The following MALRD1 variants were observed in gnomAD, a reference collection of about 807,000 sequenced individuals.
MALRD1 encodes MAM and LDL-receptor class A domain-containing protein 1.
In MALRD1, 247 loss-of-function variants were observed where a neutral mutation model predicts 242.1. The ratio of observed to expected loss-of-function variants is 1.02; its 90% CI spans 0.92 to 1.13. The LOEUF (loss-of-function observed/expected upper bound fraction) is 1.13. Among genes scored for constraint, MALRD1 ranks in the 50% most tolerant of loss-of-function variants. MALRD1 has a pLI of 0.00. For synonymous variants in MALRD1, 995 were observed against 866.6 expected (o/e 1.15, Z -2.60); for missense variants, 2,989 against 2,533.1 (o/e 1.18, Z -3.86).
chr10:19,130,331 C>G (rs1029942015), intron 8 of MALRD1, among the ~76,000 whole-genome samples: 1 of 152,084 alleles, frequency 6.6e-6, no homozygotes, highest in Non-Finnish European at 1.5e-5. Flanking sequence ...CTGTTTGAAC[C>G]AATCCCAGCA....
chr10:19,535,523 G>T (rs1834634181), intron 32 of MALRD1, among the ~76,000 whole-genome samples: 1 of 148,452 alleles, frequency 6.7e-6, no homozygotes, highest in Admixed American at 6.7e-5. Flanking sequence ...ATATACATGT[G>T]TATATGTATA....
intron 19 of MALRD1, among the ~76,000 whole-genome samples, chr10:19,273,691 T>C (rs188894633): frequency 1.3e-4 from 20 of 152,238 alleles, no homozygotes; most frequent in Admixed American, 7.9e-4. Flanking sequence ...ACTATGGAGA[T>C]AGTAAAAACA....
At chr10:19,647,073 A>C (rs760216993) in intron 36 of MALRD1, among the ~76,000 whole-genome samples, 8 of 152,182 alleles carry the variant, frequency 5.3e-5, no homozygotes, top group Non-Finnish European at 8.8e-5. Flanking sequence ...AATATGTTTC[A>C]ACAACAGAGC....
chr10:19,065,287 CAAA>C (rs1197670439), intron 1 of MALRD1, among the ~76,000 whole-genome samples: 56 of 50,616 alleles, frequency 1.1e-3, no homozygotes, highest in East Asian at 4.6e-3. Context: ...AACGCTGTCT[CAAA>C]AAAAAAAAAA....
chr10:19,368,374 T>C (rs1845198056), intron 26 of MALRD1, among the ~76,000 whole-genome samples: 1 of 152,146 alleles, frequency 6.6e-6, no homozygotes, highest in Non-Finnish European at 1.5e-5. Context: ...TTGAAGACAC[T>C]GTCCTTTCTC....
At chr10:19,396,388 G>A (rs1030280047) in intron 28 of MALRD1, among the ~76,000 whole-genome samples, 7 of 151,844 alleles carry the variant, frequency 4.6e-5, no homozygotes, top group South Asian at 4.2e-4. Flanking sequence ...CTCCTGTCTC[G>A]GCCTTCCAAA....
At chr10:19,064,090 T>A (rs1834901275) in intron 1 of MALRD1, among the ~76,000 whole-genome samples, 1 of 152,152 alleles carries the variant, frequency 6.6e-6, no homozygotes, top group African/African-American at 2.4e-5. Flanking sequence ...TAATTGCGGC[T>A]TCCAAGCAAC....
intron 32 of MALRD1, among the ~76,000 whole-genome samples, chr10:19,534,586 C>A (rs867662899): frequency 6.6e-6 from 1 of 152,058 alleles, no homozygotes; most frequent in South Asian, 2.1e-4. Context: ...AAAAAAACTT[C>A]TTTTTCTAAG....
chr10:19,118,192 G>A (rs1836938885), intron 5 of MALRD1, among the ~76,000 whole-genome samples: 1 of 152,130 alleles, frequency 6.6e-6, no homozygotes, highest in African/African-American at 2.4e-5. Flanking sequence ...GAGGAAATAA[G>A]CCATGTGAAT....
chr10:19,142,021 A>T (rs1833561278), intron 10 of MALRD1, among the ~76,000 whole-genome samples: 1 of 151,840 alleles, frequency 6.6e-6, no homozygotes, highest in Non-Finnish European at 1.5e-5. Context: ...AAATATAAAA[A>T]ATTAGCCGGG....
intron 32 of MALRD1, among the ~76,000 whole-genome samples, chr10:19,545,160 C>T (rs141786748): frequency 5.3e-5 from 8 of 152,210 alleles, no homozygotes; most frequent in South Asian, 2.1e-4. Context: ...GCATATCTAT[C>T]CCTCATGTTT....
chr10:19,402,285 T>C (rs528814772), intron 28 of MALRD1, among the ~76,000 whole-genome samples: 19 of 152,292 alleles, frequency 1.2e-4, no homozygotes, highest in Admixed American at 4.6e-4. Flanking sequence ...CCCCATGATA[T>C]GGTTTGGCTG....
At position 19,613,720 on chromosome 10, in the gene MALRD1, G is replaced by T. The variant is rs547661895; in HGVS notation, c.6071-2137G>T. 1.4e-3 allele frequency among the ~76,000 whole-genome samples: 206 copies of T among 152,170 alleles called. 1 individual carries two copies. The highest frequency in any genetic ancestry group is 2.1e-3 in the Non-Finnish European group (143 of 67,986). ...TCCTTTTTAAAATCTTGGCCCTGCT[G>T]GGCCGATGTAACCCAGAAGCTGTGT... is the stretch of plus-strand genomic sequence containing the variant. On this transcript the variant is annotated intron_variant, in intron 35 of 39. Coordinates refer to ENST00000454679, the MANE Select transcript of MALRD1 (RefSeq NM_001142308.3).
At chr10:19,512,733 G>T (rs1833460908) in intron 31 of MALRD1, among the ~76,000 whole-genome samples, 2 of 152,122 alleles carry the variant, frequency 1.3e-5, no homozygotes, top group Admixed American at 1.3e-4. Flanking sequence ...AGCGCCTAAA[G>T]ACTTGGTTGT....
intron 33 of MALRD1, among the ~76,000 whole-genome samples, chr10:19,586,461 G>C (rs560806088): frequency 2.0e-5 from 3 of 152,242 alleles, no homozygotes; most frequent in Admixed American, 1.3e-4. Flanking sequence ...ACCCTCAGCT[G>C]CAGGTCTGTT....
intron 32 of MALRD1, among the ~76,000 whole-genome samples, chr10:19,565,810 G>T (rs1836225395): frequency 6.6e-6 from 1 of 152,096 alleles, no homozygotes; most frequent in Non-Finnish European, 1.5e-5. Context: ...GTCTTGAGAA[G>T]CTTCTTTTCC....
intron 29 of MALRD1, among the ~76,000 whole-genome samples, chr10:19,465,157 A>G (rs1782700643): frequency 6.6e-6 from 1 of 152,100 alleles, no homozygotes; most frequent in Non-Finnish European, 1.5e-5. Flanking sequence ...ATCAGCAAAC[A>G]GTGACAGTTT....
chr10:19,711,305 C>A (rs939948741), intron 38 of MALRD1: 2 of 152,072 alleles, frequency 1.3e-5, no homozygotes, highest in Admixed American at 6.6e-5. Flanking sequence ...AAAAAAGAAA[C>A]ACATAAGTCA....
At chr10:19,088,594 T>C (rs1359700216) in intron 4 of MALRD1, among the ~76,000 whole-genome samples, 1 of 128,060 alleles carries the variant, frequency 7.8e-6, no homozygotes, top group Non-Finnish European at 1.6e-5. Flanking sequence ...TATTTATTTT[T>C]TTTTATTATA....
Sources: allele counts gnomAD v4.1 joint callset (sites outside exome capture counted in the v4.1 genomes callset), GRCh38; gene constraint gnomAD v4.1.1; transcripts MANE v1.5; gene names NCBI Gene and HGNC (gene_info 2026-07-23, HGNC 2026-07-21).